The following AFF3 variants were observed in gnomAD, a reference collection of about 807,000 sequenced individuals.
AFF3 encodes ALF transcription elongation factor 3.
A neutral mutation model predicts 129.7 loss-of-function variants in AFF3; 32 were observed. That is an observed-to-expected ratio of 0.25 (90% CI 0.19 to 0.33). The LOEUF is 0.33. Among genes scored for constraint, AFF3 ranks in the 10% least tolerant of loss-of-function variants. The pLI, the probability that AFF3 is intolerant of heterozygous loss-of-function variation, is 1.00. For missense variants in AFF3, 1,373 were observed against 1,592.0 expected (o/e 0.86, Z 2.34); for synonymous variants, 644 against 635.4 (o/e 1.01, Z -0.20).
chr2:99,697,081 T>C (rs1676360668), intron 11 of AFF3, among the ~76,000 whole-genome samples: 1 of 152,214 alleles, frequency 6.6e-6, no homozygotes, highest in Non-Finnish European at 1.5e-5. Flanking sequence ...GCATCAAGTC[T>C]CTTAATCCAA....
chr2:100,134,442 T>C (rs1219516036), intron 1 of AFF3, among the ~76,000 whole-genome samples: 2 of 152,230 alleles, frequency 1.3e-5, no homozygotes, highest in African/African-American at 2.4e-5. Context: ...TGTCATTATA[T>C]ATTGAAGTAT....
At chr2:100,083,208 C>T (rs539264117) in intron 4 of AFF3, among the ~76,000 whole-genome samples, 20 of 152,240 alleles carry the variant, frequency 1.3e-4, no homozygotes, top group East Asian at 3.9e-4. Context: ...CAAAGAACAA[C>T]GGTATTTTTC....
intron 2 of AFF3, among the ~76,000 whole-genome samples, chr2:100,120,887 C>A (rs1018758897): frequency 3.3e-5 from 5 of 152,176 alleles, no homozygotes; most frequent in Non-Finnish European, 7.3e-5. Flanking sequence ...ATCCTCCTGC[C>A]TCAGTCTCCA....
chr2:99,968,058 A>G (rs1419212384), intron 7 of AFF3, among the ~76,000 whole-genome samples: 2 of 152,228 alleles, frequency 1.3e-5, no homozygotes, highest in Non-Finnish European at 2.9e-5. Context: ...CCCTGACCAC[A>G]AAAACATGCA....
chr2:99,662,928 G>T (rs1251408324), intron 12 of AFF3, among the ~76,000 whole-genome samples: 1 of 152,168 alleles, frequency 6.6e-6, no homozygotes, highest in East Asian at 1.9e-4. Context: ...AGACTTGGCT[G>T]CCTGAATGCA....
At chr2:99,943,013 A>G (rs747732328) in intron 7 of AFF3, among the ~76,000 whole-genome samples, 1 of 152,124 alleles carries the variant, frequency 6.6e-6, no homozygotes, top group Non-Finnish European at 1.5e-5. Flanking sequence ...CAGCAGCACT[A>G]CCACTTCAAA....
Position 99,937,526 on chromosome 2 carries a change from G to A in AFF3, c.873+69106C>T, listed in dbSNP as rs904868304. 2.0e-5 allele frequency among the ~76,000 whole-genome samples: 3 copies of A among 152,134 alleles called. No individual in the cohort carries two copies. In the East Asian group the frequency reaches 5.8e-4, roughly 29 times the overall value. The stretch of plus-strand genomic sequence containing the variant: ...CGATTCTCCCGCCTCAGCCTCCTGA[G>A]TAGCTGGGACTACAGGCGCCTGCTA... On this transcript the variant is annotated intron_variant, in intron 7 of 24. Transcript: ENST00000672756.
At chr2:99,673,919 C>T (rs560623259) in intron 11 of AFF3, among the ~76,000 whole-genome samples, 16 of 152,254 alleles carry the variant, frequency 1.1e-4, no homozygotes, top group Middle Eastern at 6.8e-3. Context: ...TGTGCAGTGA[C>T]GTGTTATAGA....
At chr2:99,592,930 C>A (rs1678838545) in intron 15 of AFF3, among the ~76,000 whole-genome samples, 1 of 86,058 alleles carries the variant, frequency 1.2e-5, no homozygotes, top group Non-Finnish European at 2.3e-5. Context: ...AGTGAGACTC[C>A]CTCCCCCCCC....
intron 13 of AFF3, among the ~76,000 whole-genome samples, chr2:99,619,790 A>G (rs1681813262): frequency 6.6e-6 from 1 of 152,162 alleles, no homozygotes; most frequent in South Asian, 2.1e-4. Flanking sequence ...AGAAAGGGAT[A>G]TTACTGCCCT....
At chr2:99,743,791 GC>G (rs1003420368) in intron 10 of AFF3, among the ~76,000 whole-genome samples, 1 of 152,176 alleles carries the variant, frequency 6.6e-6, no homozygotes, top group African/African-American at 2.4e-5. Context: ...CCAATTATGT[GC>G]CTTTTAAGTT....
intron 7 of AFF3, among the ~76,000 whole-genome samples, chr2:99,971,582 C>T (rs1312505709): frequency 1.3e-5 from 2 of 152,156 alleles, no homozygotes; most frequent in Admixed American, 6.5e-5. Context: ...CCTGTGTCTA[C>T]GTTTTAAATT....
intron 7 of AFF3, among the ~76,000 whole-genome samples, chr2:100,001,231 T>G (rs960151586): frequency 6.6e-6 from 1 of 152,150 alleles, no homozygotes; most frequent in Non-Finnish European, 1.5e-5. Flanking sequence ...TTTCCCACCC[T>G]TGAGGCTAGA....
intron 8 of AFF3, among the ~76,000 whole-genome samples, chr2:99,818,319 A>G (rs1687398268): frequency 6.6e-6 from 1 of 152,188 alleles, no homozygotes; most frequent in Non-Finnish European, 1.5e-5. Context: ...TATTGAGACT[A>G]TTAGGTGGGT....
At chr2:100,019,738 G>A (rs554374967) in intron 4 of AFF3, among the ~76,000 whole-genome samples, 2 of 152,174 alleles carry the variant, frequency 1.3e-5, no homozygotes, top group East Asian at 1.9e-4. Context: ...TCAGGGGCTC[G>A]GTTCCGCAGT....
At position 99,559,106 on chromosome 2, in the gene AFF3, A is replaced by G. The variant is rs931044611; in HGVS notation, c.3192-138T>C. On this transcript the variant is annotated intron_variant, in intron 21 of 24. Coordinates refer to ENST00000672756, the MANE Select transcript of AFF3 (RefSeq NM_001386135.1). ...ACATAGGAAATCTTTCTATACGTGC[A>G]TATAATGTCTGTGAGGGAACATCTT... 19 of 683,944 alleles carry G rather than the reference A, an allele frequency of 2.8e-5. No homozygotes were observed. The African/African-American group carries it at 2.9e-4, about 10-fold the overall frequency. The allele number at this position is 683,944 out of a possible 1,614,324, so 42.4% of individuals were successfully genotyped here.
At chr2:99,804,883 A>G (rs960822007) in intron 8 of AFF3, among the ~76,000 whole-genome samples, 46 of 152,248 alleles carry the variant, frequency 3.0e-4, no homozygotes, top group Non-Finnish European at 5.6e-4. Context: ...TAAGCTATGG[A>G]TATGCAAAGG....
rs1307793194 is a variant in AFF3 at position 99,889,825 on chromosome 2, A to AT, written c.874-52302dup. The stretch of plus-strand genomic sequence containing the variant: ...AGGCGTGTGCCACCACACCAGGCTA[A>AT]TTTTTTTTATTTTTAGTAGAGATGG... On this transcript the variant is annotated intron_variant, in intron 7 of 24. Coordinates refer to ENST00000672756, the MANE Select transcript of AFF3 (RefSeq NM_001386135.1). Among the ~76,000 whole-genome samples the AT allele has an allele frequency of 3.3e-5, 5 of 151,980 alleles. No homozygotes were observed. In the South Asian group the frequency reaches 8.3e-4, roughly 25 times the overall value.
intron 7 of AFF3, among the ~76,000 whole-genome samples, chr2:99,882,693 C>T (rs1692813655): frequency 6.6e-6 from 1 of 152,202 alleles, no homozygotes; most frequent in African/African-American, 2.4e-5. Context: ...AGTTTACTTA[C>T]TCAGTTATTT....
Sources: gnomAD v4.1 joint callset for allele counts (sites outside exome capture counted in the v4.1 genomes callset) on GRCh38, gnomAD v4.1.1 for gene constraint, MANE v1.5 for transcripts, NCBI Gene and HGNC (gene_info 2026-07-23, HGNC 2026-07-21) for gene names.